Variants in ZNF385D observed in about 807,000 individuals in gnomAD.
The protein encoded by ZNF385D is zinc finger protein 385D.
In ZNF385D, 15 loss-of-function variants were observed where a neutral mutation model predicts 35.8. The observed-to-expected ratio is 0.42, with a 90% CI of 0.28 to 0.64. The LOEUF (loss-of-function observed/expected upper bound fraction) is 0.64, where lower values mean the gene tolerates loss of function less well. Among genes scored for constraint, ZNF385D ranks in the 30% least tolerant of loss-of-function variants. The pLI is 0.23. For synonymous variants in ZNF385D, 212 were observed against 186.8 expected (o/e 1.13, Z -1.10); for missense variants, 474 against 494.6 (o/e 0.96, Z 0.39).
At chr3:21,769,886 G>C (rs2071000479) in intron 3 of ZNF385D, among the ~76,000 whole-genome samples, 1 of 151,440 alleles carries the variant, frequency 6.6e-6, no homozygotes. Flanking sequence ...TACCAAAACA[G>C]AGATATAGAC....
intron 3 of ZNF385D, among the ~76,000 whole-genome samples, chr3:21,954,319 T>G (rs978344277): frequency 1.3e-5 from 2 of 152,014 alleles, no homozygotes; most frequent in East Asian, 3.9e-4. Context: ...TCTAAGTAAC[T>G]TGCCCCAATA....
intron 3 of ZNF385D, among the ~76,000 whole-genome samples, chr3:21,817,377 A>G (rs1240392056): frequency 6.6e-6 from 1 of 152,334 alleles, no homozygotes; most frequent in East Asian, 1.9e-4. Context: ...AAAAGAAACT[A>G]CCATCAGAGT....
At chr3:22,253,968 C>A (rs1002052118) in intron 2 of ZNF385D, among the ~76,000 whole-genome samples, 2 of 151,928 alleles carry the variant, frequency 1.3e-5, no homozygotes, top group South Asian at 2.1e-4. Context: ...TCTTTCTAAT[C>A]CTTTTCCAAG....
intron 1 of ZNF385D, among the ~76,000 whole-genome samples, chr3:21,701,957 T>C (rs1256248096): frequency 2.0e-5 from 3 of 152,176 alleles, no homozygotes; most frequent in African/African-American, 7.2e-5. Context: ...GCTACTTTCA[T>C]GGGCTGGCAT....
intron 2 of ZNF385D, among the ~76,000 whole-genome samples, chr3:22,238,352 A>G (rs1157866963): frequency 6.6e-6 from 1 of 151,104 alleles, no homozygotes; most frequent in East Asian, 2.0e-4. Context: ...TCCAAAGAAC[A>G]TAGTTGGGAC....
chr3:22,218,629 T>A (rs2125275689), intron 2 of ZNF385D, among the ~76,000 whole-genome samples: 1 of 152,212 alleles, frequency 6.6e-6, no homozygotes, highest in South Asian at 2.1e-4. Context: ...TAGAATCTTT[T>A]TCTTGTTCCT....
At chr3:21,622,410 A>C (rs2065031915) in intron 2 of ZNF385D, among the ~76,000 whole-genome samples, 1 of 152,146 alleles carries the variant, frequency 6.6e-6, no homozygotes. Context: ...AAGGAAAGCT[A>C]ATGCTTTGAG....
intron 3 of ZNF385D, among the ~76,000 whole-genome samples, chr3:22,105,310 T>G (rs1039672502): frequency 2.0e-5 from 3 of 152,092 alleles, no homozygotes; most frequent in African/African-American, 7.2e-5. Context: ...ATATTGCCTT[T>G]TTTTTTTCAG....
Position 21,415,648 on chromosome 3 carries a change from T to G in ZNF385D, c.*5566A>C, listed in dbSNP as rs1032415564. 4 of 152,156 alleles carry G rather than the reference T, an allele frequency of 2.6e-5. No homozygotes were observed. Among genetic ancestry groups the G allele is most frequent in the Non-Finnish European group, 4.4e-5 (3 of 68,010 alleles). 9.4% of individuals were successfully genotyped at this position (152,156 alleles called of 1,614,324 possible). On this transcript the variant is annotated 3_prime_UTR_variant, in exon 8 of 8. Transcript: ENST00000281523. ...TAGAACTCGTCACTATACTATTACTTATTTTTAATTATACTTCTTTGCTCA... is the reference window on the plus strand; with the variant it reads ...TAGAACTCGTCACTATACTATTACTGATTTTTAATTATACTTCTTTGCTCA...
intron 3 of ZNF385D, among the ~76,000 whole-genome samples, chr3:22,061,435 G>T (rs539295811): frequency 6.6e-6 from 1 of 152,038 alleles, no homozygotes; most frequent in Non-Finnish European, 1.5e-5. Flanking sequence ...TGGAAGTCCT[G>T]CTTAAACGTT....
At chr3:21,488,048 G>A (rs1705160163) in intron 4 of ZNF385D, among the ~76,000 whole-genome samples, 1 of 152,006 alleles carries the variant, frequency 6.6e-6, no homozygotes, top group African/African-American at 2.4e-5. Flanking sequence ...GGACGTATTT[G>A]AAAATTGAAC....
At chr3:22,099,342 T>C (rs960266889) in intron 3 of ZNF385D, among the ~76,000 whole-genome samples, 2 of 152,132 alleles carry the variant, frequency 1.3e-5, no homozygotes, top group African/African-American at 4.8e-5. Context: ...AATAGTCATG[T>C]AGTCCATAAG....
At chr3:21,669,782 T>G (rs1047809368) in intron 1 of ZNF385D, among the ~76,000 whole-genome samples, 2 of 152,200 alleles carry the variant, frequency 1.3e-5, no homozygotes, top group African/African-American at 4.8e-5. Context: ...CTGAAAGCAG[T>G]CAATCAAGAT....
intron 2 of ZNF385D, among the ~76,000 whole-genome samples, chr3:21,621,547 A>T (rs1289108032): frequency 1.2e-5 from 1 of 82,330 alleles, no homozygotes; most frequent in East Asian, 4.7e-4. Flanking sequence ...GTTAAAAAAA[A>T]AATTCCCGTG....
At chr3:22,245,803 G>C (rs938189612) in intron 2 of ZNF385D, among the ~76,000 whole-genome samples, 1 of 151,994 alleles carries the variant, frequency 6.6e-6, no homozygotes. Context: ...TGTCTTATCA[G>C]GCAAGATGAT....
intron 3 of ZNF385D, among the ~76,000 whole-genome samples, chr3:21,908,500 G>T (rs944558700): frequency 5.3e-5 from 8 of 152,076 alleles, no homozygotes; most frequent in African/African-American, 1.7e-4. Context: ...TGTAGAGGGG[G>T]AGGCAGATTG....
At chr3:22,164,322 G>A (rs935079665) in intron 3 of ZNF385D, among the ~76,000 whole-genome samples, 1 of 143,066 alleles carries the variant, frequency 7.0e-6, no homozygotes, top group Admixed American at 7.5e-5. Flanking sequence ...TCTGCCTCCC[G>A]GGTTCAAGTA....
At chr3:21,530,811 G>A (rs559287583) in intron 3 of ZNF385D, among the ~76,000 whole-genome samples, 1 of 152,256 alleles carries the variant, frequency 6.6e-6, no homozygotes, top group Admixed American at 6.5e-5. Flanking sequence ...TCTGAGAGAA[G>A]CGCAAAGGGA....
chr3:21,472,637 T>C (rs903996608), intron 4 of ZNF385D, among the ~76,000 whole-genome samples: 1 of 152,048 alleles, frequency 6.6e-6, no homozygotes, highest in African/African-American at 2.4e-5. Flanking sequence ...CATCTTAAAT[T>C]ATGGGTATAG....
Sources: gnomAD v4.1 joint callset for allele counts (sites outside exome capture counted in the v4.1 genomes callset) on GRCh38, gnomAD v4.1.1 for gene constraint, MANE v1.5 for transcripts, NCBI Gene and HGNC (gene_info 2026-07-23, HGNC 2026-07-21) for gene names.